BCAT1: variants seen among roughly 807,000 people sequenced by gnomAD.
BCAT1 encodes the protein branched-chain-amino-acid aminotransferase, cytosolic.
BCAT1 carries 48 observed loss-of-function variants against 52.4 expected under a neutral mutation model. That is an observed-to-expected ratio of 0.92 (90% CI 0.73 to 1.16). BCAT1 has a LOEUF of 1.16. BCAT1 is among the 50% of genes most tolerant of loss of function. The pLI is 0.00. For synonymous variants in BCAT1, 167 were observed against 161.3 expected (o/e 1.04, Z -0.27); for missense variants, 451 against 457.1 (o/e 0.99, Z 0.12).
intron 10 of BCAT1, among the ~76,000 whole-genome samples, chr12:24,824,676 C>T (rs538608739): frequency 1.3e-5 from 2 of 152,174 alleles, no homozygotes; most frequent in South Asian, 4.2e-4. Context: ...ACAGAATGTA[C>T]AATTTGTTTA....
intron 1 of BCAT1, among the ~76,000 whole-genome samples, chr12:24,927,756 C>G (rs1052189649): frequency 6.6e-6 from 1 of 152,196 alleles, no homozygotes; most frequent in African/African-American, 2.4e-5. Context: ...AAAGGTGAGG[C>G]TGAAAACAGG....
In BCAT1 at chr12:24,817,063, A is replaced by T. The variant is rs1939902220; in HGVS notation, c.*945T>A. The stretch of plus-strand genomic sequence containing the variant: ...CTAGGGATATATCTTCAATTCCAAG[A>T]TAATTCTAATACAATCAATATGAAG... On this transcript the variant is annotated 3_prime_UTR_variant, in exon 11 of 11. Coordinates refer to ENST00000261192, the MANE Select transcript of BCAT1 (RefSeq NM_005504.7). The T allele has an allele frequency of 6.5e-6, 1 of 154,236 alleles. No homozygotes were observed. The highest frequency in any genetic ancestry group is 1.4e-5 in the Non-Finnish European group (1 of 69,498). The allele number at this position is 154,236 out of a possible 1,614,324, so 9.6% of individuals were successfully genotyped here. A position where few individuals can be genotyped will look rare whatever the true frequency, so the allele number is the denominator to read the frequency against.
intron 5 of BCAT1, among the ~76,000 whole-genome samples, chr12:24,876,371 A>T (rs923280239): frequency 5.9e-5 from 9 of 152,076 alleles, no homozygotes; most frequent in Admixed American, 1.3e-4. Flanking sequence ...ATAGCAAGAT[A>T]AAAAAATGGA....
rs556353032 is a variant in BCAT1 at position 24,842,219 on chromosome 12, T to C, written c.680A>G (p.Tyr227Cys). Residue 227 changes from tyrosine to cysteine, a missense_variant, in exon 7 of 11, where the codon TAC (tyrosine) becomes TGC (cysteine). Tyr to Cys is a radical substitution (Grantham distance 194). Coordinates refer to ENST00000261192, the MANE Select transcript of BCAT1 (RefSeq NM_005504.7). ...GTGDCKMGGN[Y>C]GSSLFAQCEA... Reference sequence around the variant, plus strand: ...ACATTGGGCAAAAAGAGATGAGCCGTAATTCCTTTAAGAAAGAGAAAATAC... The same window carrying C: ...ACATTGGGCAAAAAGAGATGAGCCGCAATTCCTTTAAGAAAGAGAAAATAC... 1.5e-5 allele frequency: 24 copies of C among 1,613,894 alleles called. No homozygotes were observed. The East Asian group carries it at 4.9e-4, about 33-fold the overall frequency.
At chr12:24,924,850 T>C (rs1943555314) in intron 1 of BCAT1, among the ~76,000 whole-genome samples, 1 of 152,338 alleles carries the variant, frequency 6.6e-6, no homozygotes, top group Non-Finnish European at 1.5e-5. Context: ...ATGTCCCATA[T>C]GAAGTATTTA....
At chr12:24,933,707 C>T (rs937185748) in intron 1 of BCAT1, among the ~76,000 whole-genome samples, 1 of 152,050 alleles carries the variant, frequency 6.6e-6, no homozygotes, top group Admixed American at 6.5e-5. Context: ...AACAGACACA[C>T]ACAGGGAGTT....
At chr12:24,868,871 AC>A (rs1212389757) in intron 5 of BCAT1, among the ~76,000 whole-genome samples, 1 of 152,244 alleles carries the variant, frequency 6.6e-6, no homozygotes, top group Non-Finnish European at 1.5e-5. Flanking sequence ...CTAGCCACAG[AC>A]TGGGAAACTA....
At chr12:24,931,599 G>A (rs1015679442) in intron 1 of BCAT1, among the ~76,000 whole-genome samples, 1 of 152,140 alleles carries the variant, frequency 6.6e-6, no homozygotes, top group African/African-American at 2.4e-5. Context: ...CTTCCTATCA[G>A]TAACACAGGA....
At chr12:24,835,731 G>A (rs1308884656) in intron 8 of BCAT1, among the ~76,000 whole-genome samples, 1 of 152,076 alleles carries the variant, frequency 6.6e-6, no homozygotes, top group Non-Finnish European at 1.5e-5. Flanking sequence ...TGGGACTACA[G>A]GCATGTACCA....
At chr12:24,860,246 C>A (rs912960180) in intron 5 of BCAT1, among the ~76,000 whole-genome samples, 1 of 152,158 alleles carries the variant, frequency 6.6e-6, no homozygotes, top group Non-Finnish European at 1.5e-5. Flanking sequence ...TTTCAAGAGT[C>A]TCCCTTGGGA....
At chr12:24,893,938 T>A (rs976759095) in intron 3 of BCAT1, among the ~76,000 whole-genome samples, 4 of 152,226 alleles carry the variant, frequency 2.6e-5, no homozygotes, top group African/African-American at 9.7e-5. Context: ...AATGACCCTT[T>A]CTCAATTATT....
At chr12:24,864,197 G>T (rs976469402) in intron 5 of BCAT1, among the ~76,000 whole-genome samples, 2 of 152,264 alleles carry the variant, frequency 1.3e-5, no homozygotes, top group South Asian at 4.2e-4. Flanking sequence ...CTACAGGATG[G>T]TTATTATCGC....
At chr12:24,914,241 C>T (rs1401550657) in intron 1 of BCAT1, among the ~76,000 whole-genome samples, 2 of 151,946 alleles carry the variant, frequency 1.3e-5, no homozygotes, top group African/African-American at 4.8e-5. Context: ...GCTACTATGC[C>T]CGGCTAATTT....
chr12:24,908,918 TTAAACTCA>T (rs746422401), intron 1 of BCAT1, among the ~76,000 whole-genome samples: 5 of 152,192 alleles, frequency 3.3e-5, no homozygotes, highest in Non-Finnish European at 7.3e-5. Context: ...AGTCTCATAT[TTAAACTCA>T]GAGTAAGTAA....
chr12:24,818,960 C>T (rs1939993827), intron 10 of BCAT1, among the ~76,000 whole-genome samples: 2 of 152,060 alleles, frequency 1.3e-5, no homozygotes, highest in Admixed American at 1.3e-4. Context: ...TGTCATCATG[C>T]CAGGAGTTTT....
At position 24,836,582 on chromosome 12, in the gene BCAT1, T is replaced by C. The variant is rs1336482993; in HGVS notation, c.832A>G (p.Thr278Ala). ...AGAATGATGCCATCTAGTGGAGGAGTTGCCAGTTCTTCTTCTGTCAATCAG... is the reference window on the plus strand; with the variant it reads ...AGAATGATGCCATCTAGTGGAGGAGCTGCCAGTTCTTCTTCTGTCAATCAG... ...INEDGEEELATPPLDGIILPG... is the reference protein window; with the variant it reads ...INEDGEEELAAPPLDGIILPG... Residue 278 changes from threonine (T) to alanine (A), a missense_variant, in exon 8 of 11, where the codon ACT (threonine) becomes GCT (alanine). Transcript: ENST00000261192. 1.2e-6 allele frequency: 2 copies of C among 1,611,716 alleles called. No homozygotes were observed. The highest frequency in any genetic ancestry group is 1.1e-5 in the South Asian group (1 of 90,388).
At chr12:24,822,289 T>G (rs1032715069) in intron 10 of BCAT1, among the ~76,000 whole-genome samples, 72 of 152,362 alleles carry the variant, frequency 4.7e-4, no homozygotes, top group African/African-American at 1.7e-3. Context: ...GGATGAATAC[T>G]TAACCTCAGA....
chr12:24,889,950 C>T (rs1288557869), intron 3 of BCAT1, among the ~76,000 whole-genome samples: 1 of 152,184 alleles, frequency 6.6e-6, no homozygotes, highest in Non-Finnish European at 1.5e-5. Flanking sequence ...CAGTGAGCTT[C>T]CGGATAGCAG....
At chr12:24,853,529 G>A (rs1366584925) in intron 5 of BCAT1, among the ~76,000 whole-genome samples, 1 of 152,066 alleles carries the variant, frequency 6.6e-6, no homozygotes, top group African/African-American at 2.4e-5. Flanking sequence ...ATCCTTAGAA[G>A]CTAAAATCTT....
Sources: allele counts gnomAD v4.1 joint callset (sites outside exome capture counted in the v4.1 genomes callset), GRCh38; gene constraint gnomAD v4.1.1; transcripts MANE v1.5; gene names NCBI Gene and HGNC (gene_info 2026-07-23, HGNC 2026-07-21).